GTF2A1: variants seen among roughly 807,000 people sequenced by gnomAD.
GTF2A1 encodes the protein transcription initiation factor IIA subunit 1.
A neutral mutation model predicts 54.1 loss-of-function variants in GTF2A1; 12 were observed. The ratio of observed to expected loss-of-function variants is 0.22; its 90% CI spans 0.14 to 0.36. The LOEUF (loss-of-function observed/expected upper bound fraction) is 0.36. Among genes scored for constraint, GTF2A1 ranks in the 10% least tolerant of loss-of-function variants. GTF2A1 has a pLI of 1.00. For synonymous variants in GTF2A1, 145 were observed against 152.0 expected (o/e 0.95, Z 0.34); for missense variants, 335 against 442.2 (o/e 0.76, Z 2.17).
intron 2 of GTF2A1, among the ~76,000 whole-genome samples, chr14:81,209,036 G>A (rs1893304050): frequency 6.6e-6 from 1 of 152,136 alleles, no homozygotes; most frequent in South Asian, 2.1e-4. Context: ...TTAAGACTTT[G>A]GGGGACTGCT....
chr14:81,187,470 C>A lies in GTF2A1; in HGVS notation c.934-1850G>T, dbSNP rs1892775923. Among the ~76,000 whole-genome samples, 2 of 152,096 alleles carry A rather than the reference C, an allele frequency of 1.3e-5. 1 individual carries two copies. The highest frequency in any genetic ancestry group is 4.1e-4 in the South Asian group (2 of 4,832). On this transcript the variant is annotated intron_variant, in intron 7 of 8. Transcript: ENST00000553612. Reference sequence around the variant, plus strand: ...ACATTTACAGTGTATATAACACTCACCACTACCTAGTTCCAGAACATTTCA... The same window carrying A: ...ACATTTACAGTGTATATAACACTCAACACTACCTAGTTCCAGAACATTTCA...
Position 81,180,089 on chromosome 14 carries a change from A to T in GTF2A1, c.*134T>A, listed in dbSNP as rs551473017. ...TGTTGTCAAGGTCTATCTTTGTTCC[A>T]GTAGCTTTGCTTCTACTGCACTTTT... On this transcript the variant is annotated 3_prime_UTR_variant, in exon 9 of 9. Transcript: ENST00000553612. The T allele has an allele frequency of 2.4e-6, 1 of 412,352 alleles. No homozygotes were observed. The highest frequency in any genetic ancestry group is 2.2e-5 in the African/African-American group (1 of 46,262). The allele number at this position is 412,352 out of a possible 1,614,324, so 25.5% of individuals were successfully genotyped here.
intron 2 of GTF2A1, among the ~76,000 whole-genome samples, chr14:81,207,831 G>C (rs1027909748): frequency 1.3e-5 from 2 of 152,236 alleles, no homozygotes; most frequent in Non-Finnish European, 2.9e-5. Context: ...GCCGCTGCCC[G>C]AGAGATTTGT....
intron 3 of GTF2A1, among the ~76,000 whole-genome samples, chr14:81,203,059 G>C (rs1893148719): frequency 6.6e-6 from 1 of 152,138 alleles, no homozygotes; most frequent in South Asian, 2.1e-4. Context: ...CATAAAAGCA[G>C]ATGCACTGAA....
chr14:81,204,121 T>G lies in GTF2A1; in HGVS notation c.133-17A>C, dbSNP rs1383288189. 6.6e-7 allele frequency: 1 copy of G among 1,515,970 alleles called. No individual in the cohort carries two copies. Among genetic ancestry groups the G allele is most frequent in the South Asian group, 1.1e-5 (1 of 89,058 alleles). The allele number at this position is 1,515,970 out of a possible 1,614,324, so 93.9% of individuals were successfully genotyped here. ...TTCCCATAACTAAGGCAAAGAACATTAAAGATTTCTAAGTGAAAAATAACT... is the reference window on the plus strand; with the variant it reads ...TTCCCATAACTAAGGCAAAGAACATGAAAGATTTCTAAGTGAAAAATAACT... On this transcript the variant is annotated splice_polypyrimidine_tract_variant and intron_variant, in intron 2 of 8. Coordinates refer to ENST00000553612, the MANE Select transcript of GTF2A1 (RefSeq NM_015859.4).
At chr14:81,213,670 T>G (rs1330847026) in intron 2 of GTF2A1, among the ~76,000 whole-genome samples, 1 of 152,228 alleles carries the variant, frequency 6.6e-6, no homozygotes, top group East Asian at 1.9e-4. Context: ...ACAATTTATA[T>G]TGTTCTTCTT....
rs1893176635 is a variant in GTF2A1, at chr14:81,204,096, T to C, written c.141A>G (p.Glu47=). 13 of 1,607,772 alleles carry C rather than the reference T, an allele frequency of 8.1e-6. No homozygotes were observed. Among genetic ancestry groups the C allele is most frequent in the Non-Finnish European group, 1.1e-5 (13 of 1,174,334 alleles). The part of the protein sequence containing the change: ...QVLMELKTLW[E]NKLMQSRAVD... ...CTGCCCTGGACTGCATTAGTTTGTT[T>C]TCCCATAACTAAGGCAAAGAACATT... Residue 47 remains glutamate, a synonymous_variant, in exon 3 of 9, where the codon GAA becomes GAG. Transcript: ENST00000553612.
intron 7 of GTF2A1, among the ~76,000 whole-genome samples, chr14:81,189,391 G>GC (rs1892821839): frequency 6.6e-6 from 1 of 152,168 alleles, no homozygotes; most frequent in Non-Finnish European, 1.5e-5. Flanking sequence ...GGATCAAGTG[G>GC]CCAGGCGCGG....
At chr14:81,216,645 C>G (rs1219891401) in intron 1 of GTF2A1, 131 bp from the exon 2 acceptor site, 1 of 527,108 alleles carries the variant, frequency 1.9e-6, no homozygotes, top group Non-Finnish European at 3.4e-6. Flanking sequence ...GATACGACCA[C>G]CATCATTTGC....
At chr14:81,205,053 G>A (rs955683097) in intron 2 of GTF2A1, among the ~76,000 whole-genome samples, 1 of 152,136 alleles carries the variant, frequency 6.6e-6, no homozygotes, top group African/African-American at 2.4e-5. Flanking sequence ...TAATTGACCT[G>A]AAGCTTCTAT....
intron 1 of GTF2A1, among the ~76,000 whole-genome samples, chr14:81,219,735 G>C (rs897847135): frequency 6.6e-6 from 1 of 152,168 alleles, no homozygotes. Flanking sequence ...CTACGTGATC[G>C]CAAGTAACAA....
chr14:81,217,438 A>G (rs1038446291), intron 1 of GTF2A1, among the ~76,000 whole-genome samples: 4 of 152,242 alleles, frequency 2.6e-5, no homozygotes, highest in African/African-American at 4.8e-5. Context: ...TGCCTTGACA[A>G]AACTAGAGTT....
intron 6 of GTF2A1, 127 bp from the exon 7 acceptor site, chr14:81,192,966 A>G: frequency 1.6e-6 from 1 of 633,294 alleles, no homozygotes; most frequent in African/African-American, 1.8e-5. Flanking sequence ...AAACTACCAA[A>G]GTACAAAAGC....
At chr14:81,217,330 T>C (rs1397779303) in intron 1 of GTF2A1, among the ~76,000 whole-genome samples, 2 of 152,154 alleles carry the variant, frequency 1.3e-5, no homozygotes, top group Non-Finnish European at 2.9e-5. Flanking sequence ...AAGTGGGAGA[T>C]AGAACAATTA....
chr14:81,215,425 G>T (rs1278581279), intron 2 of GTF2A1, among the ~76,000 whole-genome samples: 1 of 152,242 alleles, frequency 6.6e-6, no homozygotes. Flanking sequence ...TGGACCCCCT[G>T]AAAGAACCCT....
intron 7 of GTF2A1, among the ~76,000 whole-genome samples, chr14:81,191,982 G>T (rs1892885472): frequency 6.6e-6 from 1 of 152,184 alleles, no homozygotes; most frequent in African/African-American, 2.4e-5. Context: ...AGCTGAAATA[G>T]TGAGGAAAAC....
chr14:81,190,089 AC>A (rs1892842413), intron 7 of GTF2A1, among the ~76,000 whole-genome samples: 5 of 152,146 alleles, frequency 3.3e-5, no homozygotes, highest in Non-Finnish European at 7.4e-5. Flanking sequence ...ATCATGATTA[AC>A]TTCATGTTAA....
At chr14:81,196,487 C>T (rs1372886827) in intron 5 of GTF2A1, among the ~76,000 whole-genome samples, 1 of 152,140 alleles carries the variant, frequency 6.6e-6, no homozygotes. Flanking sequence ...CAGCTATTTC[C>T]AACAAGGTTT....
chr14:81,193,414 C>T (rs1892920434), intron 6 of GTF2A1, among the ~76,000 whole-genome samples: 1 of 152,118 alleles, frequency 6.6e-6, no homozygotes. Context: ...ATCCGCCCGC[C>T]TCCCAAAGTG....
Sources: allele counts gnomAD v4.1 joint callset (sites outside exome capture counted in the v4.1 genomes callset), GRCh38; gene constraint gnomAD v4.1.1; transcripts MANE v1.5; gene names NCBI Gene and HGNC (gene_info 2026-07-23, HGNC 2026-07-21).